The following CALD1 variants were observed in gnomAD, a reference collection of about 807,000 sequenced individuals.
CALD1 encodes caldesmon.
A neutral mutation model predicts 99.9 loss-of-function variants in CALD1; 33 were observed. The ratio of observed to expected loss-of-function variants is 0.33; its 90% CI spans 0.25 to 0.44. The LOEUF (loss-of-function observed/expected upper bound fraction) is 0.44, where lower values mean the gene tolerates loss of function less well. CALD1 is among the 20% of genes least tolerant of loss of function. The pLI is 1.00. For synonymous variants in CALD1, 310 were observed against 325.0 expected (o/e 0.95, Z 0.50); for missense variants, 861 against 962.1 (o/e 0.89, Z 1.39).
chr7:134,837,034 T>G (rs16874576), intron 1 of CALD1, among the ~76,000 whole-genome samples: 9,124 of 124,182 alleles, frequency 0.073, 348 homozygotes, highest in South Asian at 0.16. Flanking sequence ...ATAAGATCTG[T>G]TTTTTTTTTT....
At position 134,932,023 on chromosome 7, in the gene CALD1, A is replaced by C. The variant is rs536426824; in HGVS notation, c.219-965A>C. The stretch of plus-strand genomic sequence containing the variant: ...TGTCTTCTTTTCTCTTGTGACTCTC[A>C]ATCCCTAGGGCTTGGTGCTCCCTGA... On this transcript the variant is annotated intron_variant, in intron 4 of 14. Coordinates refer to ENST00000361675, the MANE Select transcript of CALD1 (RefSeq NM_033138.4). Among the ~76,000 whole-genome samples, 65 of 152,256 alleles carry C rather than the reference A, an allele frequency of 4.3e-4. No homozygotes were observed. In the South Asian group the frequency reaches 0.013, roughly 31 times the overall value.
upstream of CALD1, among the ~76,000 whole-genome samples, chr7:134,778,214 GC>G (rs1796961642): frequency 6.6e-6 from 1 of 152,190 alleles, no homozygotes; most frequent in African/African-American, 2.4e-5. Flanking sequence ...TGATATGGAT[GC>G]CTCTGGGTAA....
chr7:134,715,723 A>G, the CALD1 span, among the ~76,000 whole-genome samples: 5 of 152,222 alleles, frequency 3.3e-5, no homozygotes, highest in South Asian at 6.2e-4. Flanking sequence ...TATGCTTACA[A>G]TAAGAAATGT....
At chr7:134,831,376 G>C (rs190704752) in intron 1 of CALD1, among the ~76,000 whole-genome samples, 51 of 152,184 alleles carry the variant, frequency 3.4e-4, no homozygotes, top group African/African-American at 1.0e-3. Context: ...TTGGAGTGCA[G>C]TGGCGCGATC....
chr7:134,916,717 C>T (rs2347901), intron 3 of CALD1, among the ~76,000 whole-genome samples: 73,966 of 152,068 alleles, frequency 0.49, 18,589 homozygotes, highest in East Asian at 0.86. Flanking sequence ...CATCTTGCTT[C>T]CATTTTCCAA....
At chr7:134,887,083 C>T (rs181869179) in intron 3 of CALD1, among the ~76,000 whole-genome samples, 4 of 152,212 alleles carry the variant, frequency 2.6e-5, no homozygotes, top group Admixed American at 2.6e-4. Flanking sequence ...ACAGATGAGG[C>T]AAAGAATAAT....
intron 1 of CALD1, among the ~76,000 whole-genome samples, chr7:134,770,955 G>A (rs1471716512): frequency 3.3e-5 from 5 of 152,168 alleles, no homozygotes; most frequent in Non-Finnish European, 7.3e-5. Flanking sequence ...AGTGAATCGG[G>A]TAACAATAAC....
chr7:134,959,997 A>G lies in CALD1; in HGVS notation c.2085A>G (p.Thr695=), dbSNP rs765090166. The change falls in exon 12 of 15, where the codon ACA becomes ACG. Residue 695 remains threonine, a synonymous_variant. Transcript: ENST00000361675. ...AIEGTKSAKP[T]KPAASDLPVP... ...AGGGAACAAAAAGCGCAAAACCTACAAAGCCGGCAGCCTCGGATCTTCCTG... is the reference window on the plus strand; with the variant it reads ...AGGGAACAAAAAGCGCAAAACCTACGAAGCCGGCAGCCTCGGATCTTCCTG... The G allele has an allele frequency of 2.2e-5, 35 of 1,613,932 alleles. No homozygotes were observed. The South Asian group carries it at 3.6e-4, about 17-fold the overall frequency.
the CALD1 span, among the ~76,000 whole-genome samples, chr7:134,715,956 T>TTTA: frequency 2.6e-5 from 4 of 151,990 alleles, no homozygotes; most frequent in East Asian, 1.9e-4. Context: ...GGTATTTTGT[T>TTTA]TTATTATTAT....
the CALD1 span, among the ~76,000 whole-genome samples, chr7:134,715,156 A>G: frequency 6.6e-6 from 1 of 152,242 alleles, no homozygotes; most frequent in African/African-American, 2.4e-5. Context: ...ACTCTTTAGA[A>G]AAAGAAATTA....
At chr7:134,755,146 G>T (rs547258668) in intron 1 of CALD1, among the ~76,000 whole-genome samples, 58 of 152,028 alleles carry the variant, frequency 3.8e-4, no homozygotes, top group African/African-American at 1.4e-3. Flanking sequence ...GATTACAGGC[G>T]CCCACTACCA....
chr7:134,949,896 C>T (rs567568033), intron 8 of CALD1, among the ~76,000 whole-genome samples: 29 of 141,640 alleles, frequency 2.0e-4, no homozygotes, highest in African/African-American at 7.5e-4. Context: ...CACTAATGAT[C>T]GCTGATGAGC....
At chr7:134,806,601 G>C (rs551869108) in intron 1 of CALD1, among the ~76,000 whole-genome samples, 109 of 152,254 alleles carry the variant, frequency 7.2e-4, no homozygotes, top group South Asian at 5.8e-3. Flanking sequence ...TTATGCATTT[G>C]AAGCAGAGTA....
chr7:134,962,882 A>G, intron 13 of CALD1: 1 of 456,444 alleles, frequency 2.2e-6, no homozygotes, highest in South Asian at 1.5e-5. Flanking sequence ...TCCTGCCTTC[A>G]TTTCTCCCTC....
intron 3 of CALD1, chr7:134,920,513 T>G: frequency 8.6e-7 from 1 of 1,158,470 alleles, no homozygotes; most frequent in Non-Finnish European, 1.1e-6. Flanking sequence ...GCATTCTTCT[T>G]TGGGGTGTGG....
intron 13 of CALD1, 188 bp downstream of exon 13, chr7:134,960,816 G>A (rs1181653958): frequency 3.9e-6 from 2 of 518,180 alleles, no homozygotes; most frequent in Non-Finnish European, 3.5e-6. Context: ...GTTACTCAGA[G>A]GGTAAAATGG....
the CALD1 span, among the ~76,000 whole-genome samples, chr7:134,716,242 CA>C: frequency 4.6e-5 from 7 of 152,294 alleles, 1 homozygote; most frequent in Admixed American, 4.6e-4. Context: ...AATGTACCAT[CA>C]GGGGTAGTTT....
intron 1 of CALD1, among the ~76,000 whole-genome samples, chr7:134,823,699 G>A (rs1020321047): frequency 1.3e-5 from 2 of 152,102 alleles, no homozygotes; most frequent in African/African-American, 4.8e-5. Flanking sequence ...TTTGACTGAA[G>A]CTTCTCAAAA....
At chr7:134,752,371 C>T (rs1796692131) in intron 1 of CALD1, among the ~76,000 whole-genome samples, 1 of 152,188 alleles carries the variant, frequency 6.6e-6, no homozygotes, top group South Asian at 2.1e-4. Flanking sequence ...TACATCCAGT[C>T]TCAGATTCTC....
Sources: gnomAD v4.1 joint callset for allele counts (sites outside exome capture counted in the v4.1 genomes callset) on GRCh38, gnomAD v4.1.1 for gene constraint, MANE v1.5 for transcripts, NCBI Gene and HGNC (gene_info 2026-07-23, HGNC 2026-07-21) for gene names.